The following GALNT2 variants were observed in gnomAD, a reference collection of about 807,000 sequenced individuals.
The protein encoded by GALNT2 is UDP-GalNAc:polypeptide N-acetylgalactosaminyltransferase 2.
GALNT2 carries 31 observed loss-of-function variants against 81.4 expected under a neutral mutation model. The ratio of observed to expected loss-of-function variants is 0.38; its 90% CI spans 0.29 to 0.51. GALNT2 has a LOEUF of 0.51. GALNT2 is among the 20% of genes least tolerant of loss of function. The pLI is 0.87. For synonymous variants in GALNT2, 303 were observed against 287.4 expected, an observed-to-expected ratio of 1.05 and a Z score of -0.55; for missense variants, 629 against 765.7, an observed-to-expected ratio of 0.82 and a Z score of 2.11.
intron 1 of GALNT2, among the ~76,000 whole-genome samples, chr1:230,120,648 G>A (rs138596376): frequency 1.1e-4 from 17 of 152,244 alleles, no homozygotes; most frequent in Middle Eastern, 3.4e-3. Flanking sequence ...ACTCAGGGAC[G>A]CACAGCTCCC....
chr1:230,092,725 C>T (rs927267662), intron 1 of GALNT2, among the ~76,000 whole-genome samples: 2 of 152,134 alleles, frequency 1.3e-5, no homozygotes, highest in African/African-American at 4.8e-5. Context: ...ATGGCTATTA[C>T]GTGTTTAAGC....
intron 14 of GALNT2, among the ~76,000 whole-genome samples, chr1:230,273,360 A>G (rs1666202137): frequency 6.6e-6 from 1 of 152,186 alleles, no homozygotes. Context: ...GACCGATAGA[A>G]AGACAGACAG....
chr1:230,240,317 G>A (rs140528409), intron 6 of GALNT2, among the ~76,000 whole-genome samples: 278 of 152,284 alleles, frequency 1.8e-3, no homozygotes, highest in Non-Finnish European at 2.8e-3. Context: ...CTCCAGGCAG[G>A]GCACAGTGGC....
intron 1 of GALNT2, among the ~76,000 whole-genome samples, chr1:230,079,132 C>T (rs115338305): frequency 1.4e-3 from 219 of 152,252 alleles, no homozygotes; most frequent in African/African-American, 5.0e-3. Flanking sequence ...AGTGGGAGAC[C>T]GTTAATAAAT....
At chr1:230,093,197 A>G (rs894320955) in intron 1 of GALNT2, among the ~76,000 whole-genome samples, 2 of 152,248 alleles carry the variant, frequency 1.3e-5, no homozygotes, top group African/African-American at 2.4e-5. Flanking sequence ...CATAGTTCTC[A>G]TTTGATAATA....
intron 2 of GALNT2, among the ~76,000 whole-genome samples, chr1:230,189,215 G>A (rs999484591): frequency 2.0e-5 from 3 of 152,186 alleles, no homozygotes; most frequent in African/African-American, 7.2e-5. Flanking sequence ...CTGAGGCTTA[G>A]GAGAGACGAG....
At chr1:230,244,038 C>T (rs1402883930) in intron 7 of GALNT2, among the ~76,000 whole-genome samples, 4 of 151,766 alleles carry the variant, frequency 2.6e-5, no homozygotes, top group Admixed American at 6.6e-5. Flanking sequence ...TTTCACTTCT[C>T]TCGCCTTCTG....
intron 14 of GALNT2, 118 bp downstream of exon 14, chr1:230,265,485 G>A (rs1666008677): frequency 7.1e-7 from 1 of 1,403,576 alleles, no homozygotes; most frequent in African/African-American, 1.4e-5. Flanking sequence ...TGTCTATGAG[G>A]AAGCACCTGG....
intron 3 of GALNT2, among the ~76,000 whole-genome samples, chr1:230,220,909 T>TA (rs1664526906): frequency 6.6e-6 from 1 of 152,232 alleles, no homozygotes; most frequent in Non-Finnish European, 1.5e-5. Flanking sequence ...AGTGGGCTGT[T>TA]AGCAAGCTTG....
intron 3 of GALNT2, among the ~76,000 whole-genome samples, chr1:230,223,555 G>A (rs1664618331): frequency 1.4e-5 from 2 of 147,974 alleles, no homozygotes; most frequent in Non-Finnish European, 3.0e-5. Context: ...TGCAGCCTCC[G>A]CCTCCCAGGT....
rs1034905068 is a variant in GALNT2 at position 230,120,306 on chromosome 1, G to C, written c.126+52900G>C. Among the ~76,000 whole-genome samples, 4 of 150,826 alleles carry C rather than the reference G, an allele frequency of 2.7e-5. 1 individual carries two copies. The South Asian group carries it at 8.4e-4, about 32-fold the overall frequency. ...CAAAGTTCCACCCATTCAGTTCCAG[G>C]GGTCCAGGACGTGCCTATCAGGAAC... is the stretch of plus-strand genomic sequence containing the variant. On this transcript the variant is annotated intron_variant, in intron 1 of 15. Coordinates refer to ENST00000366672, the MANE Select transcript of GALNT2 (RefSeq NM_004481.5).
intron 6 of GALNT2, among the ~76,000 whole-genome samples, chr1:230,238,181 C>T (rs1045499767): frequency 2.0e-5 from 3 of 152,158 alleles, no homozygotes; most frequent in African/African-American, 7.2e-5. Flanking sequence ...TATAAGATCC[C>T]ATCTATGTAA....
At chr1:230,087,686 G>A (rs1659940805) in intron 1 of GALNT2, among the ~76,000 whole-genome samples, 1 of 152,222 alleles carries the variant, frequency 6.6e-6, no homozygotes. Context: ...TTAGGAAGGC[G>A]TCGCTGAGAG....
At chr1:230,237,282 G>C (rs1665061795) in intron 6 of GALNT2, among the ~76,000 whole-genome samples, 2 of 152,246 alleles carry the variant, frequency 1.3e-5, no homozygotes, top group Non-Finnish European at 2.9e-5. Context: ...AAGGAGGAAA[G>C]TAGTACACTG....
intron 3 of GALNT2, among the ~76,000 whole-genome samples, chr1:230,220,814 A>G (rs16851155): frequency 0.013 from 1,914 of 152,252 alleles, 20 homozygotes; most frequent in Middle Eastern, 0.02. Context: ...TCTGCCTTCT[A>G]TTGTTGGCAA....
At chr1:230,195,407 C>T (rs932897204) in intron 2 of GALNT2, among the ~76,000 whole-genome samples, 8 of 152,136 alleles carry the variant, frequency 5.3e-5, no homozygotes, top group South Asian at 4.2e-4. Context: ...TAGAGCTCTG[C>T]GTGAGGGGGC....
chr1:230,118,594 A>G (rs1660919404), intron 1 of GALNT2, among the ~76,000 whole-genome samples: 1 of 152,190 alleles, frequency 6.6e-6, no homozygotes, highest in South Asian at 2.1e-4. Context: ...AAGCACAAGT[A>G]TGGCTGGTTC....
Position 230,278,292 on chromosome 1 carries a change from TA to T in GALNT2, c.1561-1003del, listed in dbSNP as rs754951270. ...ACCACCATGCCCTGCTAATTTTTTT[TA>T]AAAAAAATGTTTGTAGAGATGGGTT... is the stretch of plus-strand genomic sequence containing the variant. On this transcript the variant is annotated intron_variant, in intron 15 of 15. Transcript: ENST00000366672. 4.6e-5 allele frequency among the ~76,000 whole-genome samples: 7 copies of T among 151,036 alleles called. No homozygotes were observed. The East Asian group carries it at 7.9e-4, about 17-fold the overall frequency.
intron 1 of GALNT2, 100 bp from the exon 2 acceptor site, chr1:230,178,118 G>A (rs1370210984): frequency 2.3e-6 from 2 of 862,994 alleles, no homozygotes; most frequent in African/African-American, 1.7e-5. Context: ...CATCCCCAGG[G>A]CCAAGTGTTA....
Sources: allele counts gnomAD v4.1 joint callset (sites outside exome capture counted in the v4.1 genomes callset), GRCh38; gene constraint gnomAD v4.1.1; transcripts MANE v1.5; gene names NCBI Gene and HGNC (gene_info 2026-07-23, HGNC 2026-07-21).